BACH2: variants seen among roughly 807,000 people sequenced by gnomAD.
BACH2 encodes BACH transcriptional regulator 2.
In BACH2, 5 loss-of-function variants were observed where a neutral mutation model predicts 61.8. The ratio of observed to expected loss-of-function variants is 0.08; its 90% confidence interval spans 0.04 to 0.17. BACH2 has a LOEUF of 0.17. Ranked by LOEUF, BACH2 falls within the 10% of genes least tolerant of loss-of-function variation. The pLI, the probability that BACH2 is intolerant of heterozygous loss-of-function variation, is 1.00. For synonymous variants in BACH2, 446 were observed against 440.1 expected (o/e 1.01, Z -0.17); for missense variants, 824 against 1,091.1 (o/e 0.76, Z 3.45).
chr6:89,964,471 A>T (rs538904782), intron 6 of BACH2, among the ~76,000 whole-genome samples: 47 of 152,336 alleles, frequency 3.1e-4, no homozygotes, highest in Admixed American at 7.2e-4. Flanking sequence ...ACAATAAAAA[A>T]GGTCTTGAAA....
At chr6:89,963,930 C>T (rs34223273) in intron 6 of BACH2, among the ~76,000 whole-genome samples, 22,773 of 152,186 alleles carry the variant, frequency 0.15, 1,762 homozygotes, top group South Asian at 0.19. Context: ...GAGGACATTA[C>T]GCTAAGTGAA....
intron 4 of BACH2, among the ~76,000 whole-genome samples, chr6:90,199,053 T>G (rs970581696): frequency 6.6e-6 from 1 of 152,220 alleles, no homozygotes; most frequent in African/African-American, 2.4e-5. Flanking sequence ...CCATCATGAT[T>G]GTGAGGCCTC....
chr6:90,222,118 CTTTG>C (rs1769755337), intron 3 of BACH2, among the ~76,000 whole-genome samples: 1 of 152,118 alleles, frequency 6.6e-6, no homozygotes, highest in Admixed American at 6.5e-5. Flanking sequence ...CATACTGAGT[CTTTG>C]AAACAGGGTG....
chr6:90,021,211 C>T (rs1184705964), intron 5 of BACH2, among the ~76,000 whole-genome samples: 1 of 151,354 alleles, frequency 6.6e-6, no homozygotes, highest in Non-Finnish European at 1.5e-5. Flanking sequence ...CTCATTAACT[C>T]ACTCATTGAC....
At chr6:90,264,015 C>G (rs1166513624) in intron 2 of BACH2, among the ~76,000 whole-genome samples, 1 of 152,162 alleles carries the variant, frequency 6.6e-6, no homozygotes, top group Non-Finnish European at 1.5e-5. Context: ...ACTCCTTGGA[C>G]TAGATAAAGT....
chr6:90,142,950 A>T (rs1784510396), intron 4 of BACH2, among the ~76,000 whole-genome samples: 2 of 152,206 alleles, frequency 1.3e-5, no homozygotes, highest in Admixed American at 6.5e-5. Flanking sequence ...TATTCCAGCT[A>T]AAAAGAATTC....
rs565223036 is a variant in BACH2, at chr6:90,039,446, G to A, written c.-12-30590C>T. Among the ~76,000 whole-genome samples, 13 of 152,160 alleles carry A rather than the reference G, an allele frequency of 8.5e-5. No individual in the cohort carries two copies. In the South Asian group the frequency reaches 2.7e-3, roughly 32 times the overall value. ...GTCGCCCAGGCTGGAATGCAGAGGCGCGATCTTGGCTCAGTGCAATGTCCG... is the reference window on the plus strand; with the variant it reads ...GTCGCCCAGGCTGGAATGCAGAGGCACGATCTTGGCTCAGTGCAATGTCCG... On this transcript the variant is annotated intron_variant, in intron 5 of 8. Transcript: ENST00000257749.
chr6:90,250,507 T>C (rs1453498015), intron 3 of BACH2, among the ~76,000 whole-genome samples: 1 of 152,196 alleles, frequency 6.6e-6, no homozygotes, highest in Non-Finnish European at 1.5e-5. Flanking sequence ...CATTCATTCA[T>C]TCATTCATTC....
chr6:90,092,645 AAAC>A (rs1019992222), intron 4 of BACH2, among the ~76,000 whole-genome samples: 1 of 152,116 alleles, frequency 6.6e-6, no homozygotes, highest in African/African-American at 2.4e-5. Flanking sequence ...TTTTTAAACT[AAAC>A]AACTTTGTGA....
intron 3 of BACH2, among the ~76,000 whole-genome samples, chr6:90,234,010 A>C (rs547386955): frequency 6.6e-6 from 1 of 152,282 alleles, no homozygotes; most frequent in South Asian, 2.1e-4. Context: ...AGAGTGCTTC[A>C]TCTCTTCTAG....
At position 90,102,898 on chromosome 6, in the gene BACH2, T is replaced by G. The variant is rs566820994; in HGVS notation, c.-161-13789A>C. Among the ~76,000 whole-genome samples the G allele has an allele frequency of 3.4e-5, 5 of 145,574 alleles. No individual in the cohort carries two copies. The South Asian group carries it at 8.5e-4, about 25-fold the overall frequency. On this transcript the variant is annotated intron_variant, in intron 4 of 8. Transcript: ENST00000257749. ...TCTTATGGGCTTTTATGTAGACACC[T>G]CTGCTAACCTACTTCTTCTTTCCAA...
In BACH2 at chr6:90,296,781, GGCCGCTGCTGCCGCTGCT is replaced by G. The variant is rs1172208362; in HGVS notation, c.-765_-748del. On this transcript the variant is annotated 5_prime_UTR_variant, in exon 1 of 9. Coordinates refer to ENST00000257749, the MANE Select transcript of BACH2 (RefSeq NM_021813.4). The stretch of plus-strand genomic sequence containing the variant: ...GTGCGACCGCAGCCCGGGCGTGCAC[GGCCGCTGCTGCCGCTGCT>G]GCTGCTGCTGCTGCTGCTGAGGCGG... 1 of 172,482 alleles carries G rather than the reference GGCCGCTGCTGCCGCTGCT, an allele frequency of 5.8e-6. No homozygotes were observed. The highest frequency in any genetic ancestry group is 2.4e-5 in the African/African-American group (1 of 41,420). The allele number at this position is 172,482 out of a possible 1,614,324, so 10.7% of individuals were successfully genotyped here. A position where few individuals can be genotyped will look rare whatever the true frequency, so the allele number is the denominator to read the frequency against.
chr6:90,219,220 A>G (rs1448740803), intron 3 of BACH2, among the ~76,000 whole-genome samples: 1 of 152,214 alleles, frequency 6.6e-6, no homozygotes, highest in African/African-American at 2.4e-5. Flanking sequence ...CAGCGCCTGC[A>G]GTGGGTATTA....
intron 5 of BACH2, among the ~76,000 whole-genome samples, chr6:90,035,365 T>G (rs1444437644): frequency 6.6e-6 from 1 of 152,190 alleles, no homozygotes; most frequent in East Asian, 1.9e-4. Flanking sequence ...AATGAGAATT[T>G]TCACCTGGGG....
chr6:89,941,483 G>A (rs1336576874), intron 7 of BACH2, among the ~76,000 whole-genome samples: 2 of 152,234 alleles, frequency 1.3e-5, no homozygotes, highest in Non-Finnish European at 2.9e-5. Context: ...GCTTGGCCCT[G>A]CTCCGACTGC....
At chr6:90,026,499 C>T (rs1778644207) in intron 5 of BACH2, among the ~76,000 whole-genome samples, 1 of 152,050 alleles carries the variant, frequency 6.6e-6, no homozygotes, top group Admixed American at 6.6e-5. Context: ...CTTATAGATG[C>T]TAATATGTAT....
At chr6:90,272,790 T>C (rs1401285907) in intron 1 of BACH2, among the ~76,000 whole-genome samples, 2 of 152,166 alleles carry the variant, frequency 1.3e-5, no homozygotes, top group Non-Finnish European at 2.9e-5. Flanking sequence ...TGAGAAAAAC[T>C]CCCTCTTCTC....
chr6:89,965,939 A>C (rs1458314587), intron 6 of BACH2, among the ~76,000 whole-genome samples: 1 of 152,182 alleles, frequency 6.6e-6, no homozygotes, highest in Non-Finnish European at 1.5e-5. Flanking sequence ...TTTCATTTGC[A>C]AAATAGGAAT....
At chr6:90,212,569 G>A (rs755964692) in intron 3 of BACH2, among the ~76,000 whole-genome samples, 4 of 152,132 alleles carry the variant, frequency 2.6e-5, no homozygotes, top group African/African-American at 7.2e-5. Context: ...TCCCCTGTGC[G>A]CTGCCTTCAC....
Sources: gnomAD v4.1 joint callset for allele counts (sites outside exome capture counted in the v4.1 genomes callset) on GRCh38, gnomAD v4.1.1 for gene constraint, MANE v1.5 for transcripts, NCBI Gene and HGNC (gene_info 2026-07-23, HGNC 2026-07-21) for gene names.